The following ADRA1A variants were observed in gnomAD, a reference collection of about 807,000 sequenced individuals.
ADRA1A encodes the protein alpha-1A adrenergic receptor.
Under a neutral mutation model 29.6 loss-of-function variants are expected in ADRA1A, and 31 were observed. The ratio of observed to expected loss-of-function variants is 1.05; its 90% CI spans 0.79 to 1.41. The LOEUF is 1.41. Ranked by LOEUF, ADRA1A falls within the 40% of genes most tolerant of loss-of-function variation. The pLI is 0.00. For missense variants in ADRA1A, 619 were observed against 601.1 expected (o/e 1.03, Z -0.31); for synonymous variants, 311 against 254.3 (o/e 1.22, Z -2.12).
Position 26,806,418 on chromosome 8 carries a change from A to G in ADRA1A, c.884-35752T>C, listed in dbSNP as rs1260395465. The stretch of plus-strand genomic sequence containing the variant: ...TAGTGGCCTTAGGTAAGGAAAAAAA[A>G]AGAGCATGATTCAAGTTTTCTGTGG... On this transcript the variant is annotated intron_variant, in intron 2 of 2. Transcript: ENST00000380573. The surrounding 1 kb of genome is among the most constrained non-coding windows in gnomAD (Gnocchi z 4.6). Among the ~76,000 whole-genome samples the G allele has an allele frequency of 6.6e-6, 1 of 152,164 alleles. No individual in the cohort carries two copies. The highest frequency in any genetic ancestry group is 2.4e-5 in the African/African-American group (1 of 41,432).
At chr8:26,772,729 G>A (rs1405293237) in intron 2 of ADRA1A, among the ~76,000 whole-genome samples, 4 of 152,112 alleles carry the variant, frequency 2.6e-5, no homozygotes, top group Admixed American at 2.0e-4. Context: ...AAGTCAAAAA[G>A]CTCATCAATA....
chr8:26,751,733 C>T (rs1185385407), downstream of ADRA1A, among the ~76,000 whole-genome samples: 2 of 152,228 alleles, frequency 1.3e-5, no homozygotes, highest in African/African-American at 2.4e-5. Context: ...TTAACAATAA[C>T]AGCAATTGCA....
At position 26,840,123 on chromosome 8, in the gene ADRA1A, G is replaced by A. The variant is rs1041393970; in HGVS notation, c.883+23964C>T. Among the ~76,000 whole-genome samples, 8 of 152,288 alleles carry A rather than the reference G, an allele frequency of 5.3e-5. No homozygotes were observed. The South Asian group carries it at 8.3e-4, about 16-fold the overall frequency. On this transcript the variant is annotated intron_variant, in intron 2 of 2. Transcript: ENST00000380573. ...GAAACACTATTGCTCAAGAACATTC[G>A]AATGGATGCAACATTTGTAAATTAA... is the stretch of plus-strand genomic sequence containing the variant.
At chr8:26,818,709 C>G (rs989993023) in intron 2 of ADRA1A, among the ~76,000 whole-genome samples, 2 of 151,616 alleles carry the variant, frequency 1.3e-5, no homozygotes, top group Admixed American at 1.3e-4. Context: ...AGGTACAGAG[C>G]GTCAACAGCA....
At chr8:26,756,506 GCT>G in exon 3 of ADRA1A, 1 of 1,520,424 alleles carries the variant, frequency 6.6e-7, no homozygotes, top group Non-Finnish European at 8.8e-7. Flanking sequence ...GTCCCTGAAG[GCT>G]CTTTTCCTCT....
At position 26,865,034 on chromosome 8, in the gene ADRA1A, G is replaced by A; in HGVS notation, c.-65C>T. 2.6e-6 allele frequency: 4 copies of A among 1,519,172 alleles called. No individual in the cohort carries two copies. In the South Asian group the frequency reaches 5.2e-5, roughly 20 times the overall value. 94.1% of individuals were successfully genotyped at this position (1,519,172 alleles called of 1,614,324 possible). On this transcript the variant is annotated 5_prime_UTR_variant, in exon 2 of 3. Coordinates refer to ENST00000380573, the MANE Select transcript of ADRA1A (RefSeq NM_000680.4). The surrounding 1 kb of genome is among the most constrained non-coding windows in gnomAD (Gnocchi z 7.6). The stretch of plus-strand genomic sequence containing the variant: ...CCACCTCCCGGGCTGGCGCGGAGGC[G>A]GGAGCGCGGGAGCCGGGAATCAAAA...
Position 26,796,954 on chromosome 8 carries a change from G to A in ADRA1A, c.884-26288C>T, listed in dbSNP as rs1042322303. Among the ~76,000 whole-genome samples the A allele has an allele frequency of 1.2e-4, 18 of 152,110 alleles. No individual in the cohort carries two copies. Among genetic ancestry groups the A allele is most frequent in the South Asian group, 2.1e-4 (1 of 4,822 alleles). On this transcript the variant is annotated intron_variant, in intron 2 of 2. Transcript: ENST00000380573. This position sits in a 1 kb window ranked among gnomAD's most constrained non-coding sequence, Gnocchi z 5.0. ...AATTGAGAGTGAAATGAAGGGAGTC[G>A]TATTAGAGCATGAGTTCTCTCAGCG...
At position 26,823,135 on chromosome 8, in the gene ADRA1A, C is replaced by T. The variant is rs1303844585; in HGVS notation, c.883+40952G>A. ...TGTAATTTTTTGTTATAGGCATTAACAGAAGAACAAACACCAGCAAGAAAT... is the reference window on the plus strand; with the variant it reads ...TGTAATTTTTTGTTATAGGCATTAATAGAAGAACAAACACCAGCAAGAAAT... On this transcript the variant is annotated intron_variant, in intron 2 of 2. Transcript: ENST00000380573. This position sits in a 1 kb window ranked among gnomAD's most constrained non-coding sequence, Gnocchi z 4.2. Among the ~76,000 whole-genome samples the T allele has an allele frequency of 2.0e-5, 3 of 152,154 alleles. No individual in the cohort carries two copies. The highest frequency in any genetic ancestry group is 7.2e-5 in the African/African-American group (3 of 41,432).
chr8:26,824,375 G>A (rs1443418620), intron 2 of ADRA1A, among the ~76,000 whole-genome samples: 10 of 152,108 alleles, frequency 6.6e-5, no homozygotes, highest in African/African-American at 1.2e-4. Flanking sequence ...TTGCATGCCC[G>A]CCGGGAAGCC....
chr8:26,786,117 G>A (rs1166625441), intron 2 of ADRA1A, among the ~76,000 whole-genome samples: 8 of 152,026 alleles, frequency 5.3e-5, no homozygotes, highest in East Asian at 1.9e-4. Context: ...GAAGCCCAAC[G>A]TCCATAGCAT....
intron 2 of ADRA1A, among the ~76,000 whole-genome samples, chr8:26,856,812 A>G (rs1167743638): frequency 6.6e-6 from 1 of 152,188 alleles, no homozygotes; most frequent in Admixed American, 6.5e-5. Flanking sequence ...ATTAATGTCT[A>G]TCTCCTTCTG....
Position 26,770,306 on chromosome 8 carries a change from T to G in ADRA1A, c.1244A>C (p.Asp415Ala). ...CCGGGCTGTGGTACAGGAGGATTGG[T>G]CTTTGGACACTGTAATCCTGGCAGA... ...RGSARITVSKDQSSCTTARVR... is the reference protein window; with the variant it reads ...RGSARITVSKAQSSCTTARVR... The change falls in exon 3 of 3, where the codon GAC becomes GCC. Residue 415 changes from aspartate (D) to alanine (A), a missense_variant. Physicochemically the swap from Asp to Ala is moderately radical, Grantham distance 126. Transcript: ENST00000380573. The G allele has an allele frequency of 1.2e-6, 2 of 1,614,166 alleles. No individual in the cohort carries two copies. The highest frequency in any genetic ancestry group is 1.1e-5 in the South Asian group (1 of 91,082).
chr8:26,778,325 T>C (rs1410874901), intron 2 of ADRA1A, among the ~76,000 whole-genome samples: 1 of 152,116 alleles, frequency 6.6e-6, no homozygotes, highest in Non-Finnish European at 1.5e-5. Context: ...TCTCAGAAGA[T>C]AGCAAGATTC....
In ADRA1A at chr8:26,865,783, G is replaced by A. The variant is rs1467404094; in HGVS notation, c.-686-128C>T. 1 of 910,936 alleles carries A rather than the reference G, an allele frequency of 1.1e-6. No homozygotes were observed. The highest frequency in any genetic ancestry group is 1.8e-5 in the African/African-American group (1 of 55,684). The allele number at this position is 910,936 out of a possible 1,614,324, so 56.4% of individuals were successfully genotyped here. On this transcript the variant is annotated intron_variant, in intron 1 of 2. Coordinates refer to ENST00000380573, the MANE Select transcript of ADRA1A (RefSeq NM_000680.4). The surrounding 1 kb of genome is among the most constrained non-coding windows in gnomAD (Gnocchi z 7.6). ...GGTTCTGCGGTCCAGAAGCTGCTTCGCCCGGCAGCGGTGGAGGCGACTTCG... is the reference window on the plus strand; with the variant it reads ...GGTTCTGCGGTCCAGAAGCTGCTTCACCCGGCAGCGGTGGAGGCGACTTCG...
chr8:26,832,761 C>G (rs1411265374), intron 2 of ADRA1A, among the ~76,000 whole-genome samples: 2 of 152,098 alleles, frequency 1.3e-5, no homozygotes, highest in African/African-American at 4.8e-5. Flanking sequence ...CCTTGTCACA[C>G]CTGTGGGGGA....
chr8:26,824,144 AG>A (rs1351784817), intron 2 of ADRA1A, among the ~76,000 whole-genome samples: 1 of 152,198 alleles, frequency 6.6e-6, no homozygotes, highest in Non-Finnish European at 1.5e-5. Context: ...GAAAGGTAAT[AG>A]AAAGGATATA....
chr8:26,854,468 T>A (rs1344651549), intron 2 of ADRA1A: 1 of 146,532 alleles, frequency 6.8e-6, no homozygotes, highest in African/African-American at 2.5e-5. Flanking sequence ...TTCTCCATTC[T>A]GGGTGTAGTC....
chr8:26,769,450 T>C lies in ADRA1A; in HGVS notation c.*699A>G, dbSNP rs1313111556. 1 of 985,332 alleles carries C rather than the reference T, an allele frequency of 1.0e-6. No homozygotes were observed. The highest frequency in any genetic ancestry group is 1.1e-4 in the East Asian group (1 of 8,826). The allele number at this position is 985,332 out of a possible 1,614,324, so 61.0% of individuals were successfully genotyped here. Reference sequence around the variant, plus strand: ...AAAGCCATACCACCCTGGTTGGTTCTTTCAACCCTCTCCTGACCCAAGGAT... The same window carrying C: ...AAAGCCATACCACCCTGGTTGGTTCCTTCAACCCTCTCCTGACCCAAGGAT... On this transcript the variant is annotated 3_prime_UTR_variant, in exon 3 of 3. Transcript: ENST00000380573.
Position 26,841,547 on chromosome 8 carries a change from T to A in ADRA1A, c.883+22540A>T, listed in dbSNP as rs1811818533. 6.6e-6 allele frequency among the ~76,000 whole-genome samples: 1 copy of A among 152,228 alleles called. No homozygotes were observed. Among genetic ancestry groups the A allele is most frequent in the African/African-American group, 2.4e-5 (1 of 41,456 alleles). The stretch of plus-strand genomic sequence containing the variant: ...ATTGGACCCTTGGTGGAGCCCTTGA[T>A]GGCGACAGCACAATCTTTCATCCCT... On this transcript the variant is annotated intron_variant, in intron 2 of 2. Transcript: ENST00000380573. The surrounding 1 kb of genome is among the most constrained non-coding windows in gnomAD (Gnocchi z 4.4).
Sources: gnomAD v4.1 joint callset for allele counts (sites outside exome capture counted in the v4.1 genomes callset) on GRCh38, gnomAD v4.1.1 for gene constraint, Gnocchi (gnomAD v3.1) non-coding constraint, MANE v1.5 for transcripts, NCBI Gene and HGNC (gene_info 2026-07-23, HGNC 2026-07-21) for gene names.